BMPR1B: variants seen among roughly 807,000 people sequenced by gnomAD.
BMPR1B encodes the protein bone morphogenetic protein receptor type-1B.
BMPR1B carries 12 observed loss-of-function variants against 59.1 expected under a neutral mutation model. The observed-to-expected ratio is 0.20, with a 90% CI of 0.13 to 0.33. The LOEUF is 0.33. Ranked by LOEUF, BMPR1B falls within the 10% of genes least tolerant of loss-of-function variation. BMPR1B has a pLI of 1.00. For missense variants in BMPR1B, 550 were observed against 610.9 expected, an observed-to-expected ratio of 0.90 and a Z score of 1.05; for synonymous variants, 237 against 207.3, an observed-to-expected ratio of 1.14 and a Z score of -1.23.
At chr4:95,059,428 TG>T (rs918358125) in intron 3 of BMPR1B, among the ~76,000 whole-genome samples, 3 of 152,090 alleles carry the variant, frequency 2.0e-5, no homozygotes, top group Non-Finnish European at 2.9e-5. Flanking sequence ...ATGTTCAAAT[TG>T]GGGGAAGAGT....
chr4:94,844,741 A>G (rs1182334498), intron 1 of BMPR1B, among the ~76,000 whole-genome samples: 5 of 152,186 alleles, frequency 3.3e-5, no homozygotes, highest in African/African-American at 9.7e-5. Flanking sequence ...TAGTTTCACC[A>G]GATTTTGCTC....
intron 3 of BMPR1B, among the ~76,000 whole-genome samples, chr4:95,021,145 A>C (rs987909490): frequency 3.9e-5 from 6 of 152,332 alleles, no homozygotes; most frequent in African/African-American, 1.4e-4. Flanking sequence ...GCGTATTCCT[A>C]ATTTTTAATT....
intron 2 of BMPR1B, among the ~76,000 whole-genome samples, chr4:94,886,332 G>A (rs182905607): frequency 2.0e-3 from 305 of 152,132 alleles, no homozygotes; most frequent in Non-Finnish European, 3.4e-3. Context: ...TTTTTATAAA[G>A]CTAAAATTAA....
At chr4:94,803,865 A>T (rs946119931) in intron 1 of BMPR1B, among the ~76,000 whole-genome samples, 5 of 151,872 alleles carry the variant, frequency 3.3e-5, no homozygotes, top group African/African-American at 1.2e-4. Flanking sequence ...AAGAAAAAAA[A>T]CACATTATTT....
At chr4:94,881,754 T>C (rs1406873489) in intron 2 of BMPR1B, among the ~76,000 whole-genome samples, 2 of 152,240 alleles carry the variant, frequency 1.3e-5, no homozygotes, top group East Asian at 3.9e-4. Context: ...CATGAGCCAC[T>C]GCACCTGGCC....
At chr4:94,843,565 T>G (rs1335498626) in intron 1 of BMPR1B, among the ~76,000 whole-genome samples, 1 of 152,190 alleles carries the variant, frequency 6.6e-6, no homozygotes, top group African/African-American at 2.4e-5. Flanking sequence ...GGTCATAATA[T>G]GCTGCATTTT....
At chr4:95,121,087 C>T (rs1453832236) in intron 6 of BMPR1B, among the ~76,000 whole-genome samples, 10 of 152,174 alleles carry the variant, frequency 6.6e-5, no homozygotes, top group South Asian at 2.1e-4. Flanking sequence ...GGATTACAGG[C>T]GTGAGCCACT....
intron 2 of BMPR1B, among the ~76,000 whole-genome samples, chr4:94,895,219 TG>T (rs1282632420): frequency 6.6e-6 from 1 of 151,964 alleles, no homozygotes; most frequent in Non-Finnish European, 1.5e-5. Context: ...CCTCATTGCT[TG>T]GATTAATGGT....
intron 10 of BMPR1B, among the ~76,000 whole-genome samples, chr4:95,142,966 G>A (rs933333920): frequency 2.0e-5 from 3 of 152,012 alleles, no homozygotes; most frequent in Admixed American, 6.6e-5. Context: ...CCTTGCCACC[G>A]AAACAAAAAT....
rs1364871472 is a variant in BMPR1B, at chr4:95,104,565, C to T, written c.141C>T (p.Cys47=). Reference sequence around the variant, plus strand: ...CAGAAGACTCAGTCAACAATATTTGCAGGTTGGTGATATAAATGATTTAAA... The same window carrying T: ...CAGAAGACTCAGTCAACAATATTTGTAGGTTGGTGATATAAATGATTTAAA... ...HCPEDSVNNI[C]STDGYCFTMI... Residue 47 remains cysteine, a splice_region_variant and synonymous_variant, in exon 4 of 13, where the codon TGC becomes TGT. Coordinates refer to ENST00000515059, the MANE Select transcript of BMPR1B (RefSeq NM_001203.3). 3.1e-6 allele frequency: 5 copies of T among 1,613,120 alleles called. No homozygotes were observed. The Admixed American group carries it at 6.7e-5, about 22-fold the overall frequency.
At chr4:94,818,780 T>C (rs1469022636) in intron 1 of BMPR1B, among the ~76,000 whole-genome samples, 1 of 151,986 alleles carries the variant, frequency 6.6e-6, no homozygotes, top group Non-Finnish European at 1.5e-5. Flanking sequence ...CTAGACTGAT[T>C]TTGGGGGAGG....
At chr4:95,109,833 T>A (rs574147762) in intron 4 of BMPR1B, among the ~76,000 whole-genome samples, 1 of 150,556 alleles carries the variant, frequency 6.6e-6, no homozygotes, top group Non-Finnish European at 1.5e-5. Flanking sequence ...TAGCATTAGG[T>A]GTATCTCCTA....
At chr4:94,880,243 A>G (rs1726904653) in intron 2 of BMPR1B, among the ~76,000 whole-genome samples, 3 of 152,196 alleles carry the variant, frequency 2.0e-5, no homozygotes, top group African/African-American at 7.2e-5. Flanking sequence ...CTGTACTTCT[A>G]ACTTGTCTCC....
At chr4:94,927,263 T>G (rs1728926440) in intron 2 of BMPR1B, among the ~76,000 whole-genome samples, 2 of 152,146 alleles carry the variant, frequency 1.3e-5, no homozygotes. Context: ...TATGATCAGA[T>G]CATTAGGCTC....
At chr4:95,025,622 C>T (rs1353535111) in intron 3 of BMPR1B, among the ~76,000 whole-genome samples, 1 of 151,924 alleles carries the variant, frequency 6.6e-6, no homozygotes, top group East Asian at 1.9e-4. Flanking sequence ...GTTATGTTCT[C>T]AGAAGTTGCC....
At chr4:95,133,168 T>C (rs957664554) in intron 10 of BMPR1B, among the ~76,000 whole-genome samples, 8 of 152,220 alleles carry the variant, frequency 5.3e-5, no homozygotes, top group Non-Finnish European at 1.0e-4. Context: ...TGGGCCAGTG[T>C]GGGCCTTCTA....
chr4:95,013,816 C>T (rs1723389263), intron 3 of BMPR1B, among the ~76,000 whole-genome samples: 1 of 152,142 alleles, frequency 6.6e-6, no homozygotes, highest in African/African-American at 2.4e-5. Context: ...ATGTATGTAT[C>T]ACTTTACCTA....
rs778170724 is a variant in BMPR1B at position 95,125,044 on chromosome 4, A to G, written c.508A>G (p.Ile170Val). ...TGGGTTAGAACAGGATGAAACTTACATTCCTCCTGGAGAATCCCTGAGAGA... is the reference window on the plus strand; with the variant it reads ...TGGGTTAGAACAGGATGAAACTTACGTTCCTCCTGGAGAATCCCTGAGAGA... ...SIGLEQDETY[I>V]PPGESLRDLI... Residue 170 changes from isoleucine (I) to valine (V), a missense_variant, in exon 8 of 13, where the codon ATT (isoleucine) becomes GTT (valine). By Grantham distance (29) the Ile-to-Val change is conservative. Transcript: ENST00000515059. 64 of 1,613,422 alleles carry G rather than the reference A, an allele frequency of 4.0e-5. No individual in the cohort carries two copies. The highest frequency in any genetic ancestry group is 1.6e-4 in the South Asian group (15 of 91,066).
chr4:94,781,602 G>C (rs1722591924), intron 1 of BMPR1B, among the ~76,000 whole-genome samples: 1 of 152,022 alleles, frequency 6.6e-6, no homozygotes, highest in South Asian at 2.1e-4. Context: ...AGTAGAGATG[G>C]GGTTTCACCA....
Sources: allele counts gnomAD v4.1 joint callset (sites outside exome capture counted in the v4.1 genomes callset), GRCh38; gene constraint gnomAD v4.1.1; transcripts MANE v1.5; gene names NCBI Gene and HGNC (gene_info 2026-07-23, HGNC 2026-07-21).